The following XRCC4 variants were observed in gnomAD, a reference collection of about 807,000 sequenced individuals.
The protein encoded by XRCC4 is DNA repair protein XRCC4.
XRCC4 carries 28 observed loss-of-function variants against 39.1 expected under a neutral mutation model. The ratio of observed to expected loss-of-function variants is 0.72; its 90% CI spans 0.53 to 0.98. The LOEUF (loss-of-function observed/expected upper bound fraction) is 0.98. Ranked by LOEUF, XRCC4 falls within the 50% of genes least tolerant of loss-of-function variation. The pLI, the probability that XRCC4 is intolerant of heterozygous loss-of-function variation, is 0.00. For missense variants in XRCC4, 350 were observed against 376.4 expected (o/e 0.93, Z 0.58); for synonymous variants, 123 against 126.4 (o/e 0.97, Z 0.18).
intron 3 of XRCC4, among the ~76,000 whole-genome samples, chr5:83,150,643 A>G (rs1437519800): frequency 6.6e-6 from 1 of 152,142 alleles, no homozygotes; most frequent in Non-Finnish European, 1.5e-5. Context: ...TCTTATGTTG[A>G]TGGAATATGA....
At chr5:83,182,870 C>T (rs959497919) in intron 3 of XRCC4, among the ~76,000 whole-genome samples, 1 of 152,096 alleles carries the variant, frequency 6.6e-6, no homozygotes. Context: ...TGTGCTAGCA[C>T]CTTGATCTTA....
At chr5:83,113,869 G>A (rs542977225) in intron 3 of XRCC4, among the ~76,000 whole-genome samples, 9 of 152,152 alleles carry the variant, frequency 5.9e-5, no homozygotes, top group African/African-American at 1.4e-4. Context: ...CTCGTGATCC[G>A]CCCGCCTCAG....
chr5:83,321,675 A>G (rs761644219), intron 7 of XRCC4, among the ~76,000 whole-genome samples: 4 of 152,150 alleles, frequency 2.6e-5, no homozygotes, highest in South Asian at 2.1e-4. Context: ...ACACATGTGC[A>G]TTAGATCCAT....
At chr5:83,297,421 A>G (rs2112990989) in intron 7 of XRCC4, among the ~76,000 whole-genome samples, 1 of 152,090 alleles carries the variant, frequency 6.6e-6, no homozygotes, top group African/African-American at 2.4e-5. Flanking sequence ...AAGTTTGTTT[A>G]GTATTTGCCA....
intron 1 of XRCC4, among the ~76,000 whole-genome samples, chr5:83,078,125 C>T (rs1408828638): frequency 2.0e-5 from 3 of 152,168 alleles, no homozygotes; most frequent in Non-Finnish European, 4.4e-5. Context: ...CGGACTGCAG[C>T]GATTGATTAG....
chr5:83,339,575 A>G (rs1393688970), intron 7 of XRCC4, among the ~76,000 whole-genome samples: 2 of 152,082 alleles, frequency 1.3e-5, no homozygotes, highest in African/African-American at 2.4e-5. Flanking sequence ...CTGTATACCT[A>G]TGTAACAAAC....
chr5:83,332,316 G>A (rs1012983270), intron 7 of XRCC4, among the ~76,000 whole-genome samples: 4 of 151,206 alleles, frequency 2.6e-5, no homozygotes, highest in African/African-American at 4.9e-5. Flanking sequence ...TGTCTGGAAC[G>A]TAATATAAAT....
intron 3 of XRCC4, among the ~76,000 whole-genome samples, chr5:83,194,938 A>G (rs748990604): frequency 5.3e-5 from 8 of 152,170 alleles, no homozygotes; most frequent in Non-Finnish European, 7.4e-5. Flanking sequence ...CCTAGTTTAT[A>G]TTTTTGCTAC....
downstream of XRCC4, among the ~76,000 whole-genome samples, chr5:83,357,006 T>C (rs945344978): frequency 6.6e-6 from 1 of 152,218 alleles, no homozygotes; most frequent in Non-Finnish European, 1.5e-5. Flanking sequence ...GAAAAGTTTT[T>C]CTGAATGGCC....
intron 7 of XRCC4, among the ~76,000 whole-genome samples, chr5:83,322,092 G>A (rs374655348): frequency 2.0e-4 from 30 of 151,674 alleles, no homozygotes; most frequent in African/African-American, 5.3e-4. Flanking sequence ...CTTATTTTAT[G>A]TTCTATGCTT....
intron 7 of XRCC4, among the ~76,000 whole-genome samples, chr5:83,333,588 A>G (rs1402312682): frequency 6.6e-6 from 1 of 152,198 alleles, no homozygotes; most frequent in South Asian, 2.1e-4. Context: ...ATTAACAAAA[A>G]TAACACTCAG....
intron 7 of XRCC4, among the ~76,000 whole-genome samples, chr5:83,321,077 G>A (rs568043798): frequency 8.0e-4 from 121 of 152,148 alleles, no homozygotes; most frequent in African/African-American, 2.8e-3. Flanking sequence ...CCAAAGTGCT[G>A]GGATTACAGG....
chr5:83,245,065 C>T (rs563129007), intron 6 of XRCC4, among the ~76,000 whole-genome samples: 1 of 152,168 alleles, frequency 6.6e-6, no homozygotes, highest in South Asian at 2.1e-4. Flanking sequence ...AAAACCCCAT[C>T]CTGAGAAGGA....
At chr5:83,133,333 G>A (rs146067415) in intron 3 of XRCC4, among the ~76,000 whole-genome samples, 1,717 of 152,306 alleles carry the variant, frequency 0.011, 47 homozygotes, top group Admixed American at 0.06. Context: ...CTACTCGGGC[G>A]TCAGGGACCC....
intron 6 of XRCC4, among the ~76,000 whole-genome samples, chr5:83,205,581 CA>C (rs1159540758): frequency 1.3e-5 from 2 of 151,900 alleles, no homozygotes; most frequent in African/African-American, 4.8e-5. Context: ...GACCTAAAAC[CA>C]ATACTATTAA....
At chr5:83,081,418 T>C (rs1364839515) in intron 1 of XRCC4, among the ~76,000 whole-genome samples, 1 of 152,204 alleles carries the variant, frequency 6.6e-6, no homozygotes, top group Non-Finnish European at 1.5e-5. Flanking sequence ...CCCCCTTGTT[T>C]TTATTCCCTT....
rs572336236 is a variant in XRCC4 at position 83,097,682 on chromosome 5, G to A, written c.-10-7228G>A. Among the ~76,000 whole-genome samples, 374 of 152,180 alleles carry A rather than the reference G, an allele frequency of 2.5e-3. 1 individual carries two copies. Among genetic ancestry groups the A allele is most frequent in the Middle Eastern group, 6.8e-3 (2 of 294 alleles). On this transcript the variant is annotated intron_variant, in intron 1 of 7. Coordinates refer to ENST00000396027, the MANE Select transcript of XRCC4 (RefSeq NM_003401.5). Reference sequence around the variant, plus strand: ...AGGCTTAAGAAATCATAATTACTGAGTTCTTGTTGAAAAAGACTGCTGCTT... The same window carrying A: ...AGGCTTAAGAAATCATAATTACTGAATTCTTGTTGAAAAAGACTGCTGCTT...
At chr5:83,086,538 T>G (rs1169989032) in intron 1 of XRCC4, among the ~76,000 whole-genome samples, 1 of 152,196 alleles carries the variant, frequency 6.6e-6, no homozygotes. Flanking sequence ...CTTGTCTTCA[T>G]GTTGAGCTGG....
At chr5:83,165,889 T>TC (rs556494500) in intron 3 of XRCC4, among the ~76,000 whole-genome samples, 2 of 41,024 alleles carry the variant, frequency 4.9e-5, no homozygotes, top group East Asian at 6.2e-4. Flanking sequence ...TTTTCTTTCT[T>TC]TTTTTTTTTT....
Sources: allele counts gnomAD v4.1 joint callset (sites outside exome capture counted in the v4.1 genomes callset), GRCh38; gene constraint gnomAD v4.1.1; transcripts MANE v1.5; gene names NCBI Gene and HGNC (gene_info 2026-07-23, HGNC 2026-07-21).